Variants in TMEM132D observed in about 807,000 individuals in gnomAD.
TMEM132D encodes the protein mature OL transmembrane protein.
Under a neutral mutation model 62.3 loss-of-function variants are expected in TMEM132D, and 21 were observed. The observed-to-expected ratio is 0.34, with a 90% CI of 0.24 to 0.49. The LOEUF (loss-of-function observed/expected upper bound fraction) is 0.49, where lower values mean the gene tolerates loss of function less well. Ranked by LOEUF, TMEM132D falls within the 20% of genes least tolerant of loss-of-function variation. The pLI, the probability that TMEM132D is intolerant of heterozygous loss-of-function variation, is 0.99. For missense variants in TMEM132D, 1,346 were observed against 1,402.8 expected, an observed-to-expected ratio of 0.96 and a Z score of 0.65; for synonymous variants, 621 against 575.6, an observed-to-expected ratio of 1.08 and a Z score of -1.13.
At chr12:129,133,603 G>A (rs1048572448) in intron 5 of TMEM132D, among the ~76,000 whole-genome samples, 15 of 152,142 alleles carry the variant, frequency 9.9e-5, no homozygotes, top group Admixed American at 5.2e-4. Flanking sequence ...GATAGATATG[G>A]GCTAGGTCTG....
chr12:129,442,541 G>C (rs1334126123), intron 3 of TMEM132D, among the ~76,000 whole-genome samples: 1 of 152,174 alleles, frequency 6.6e-6, no homozygotes, highest in Non-Finnish European at 1.5e-5. Context: ...GAGTGGTAGA[G>C]TCTTCTGAAT....
intron 2 of TMEM132D, among the ~76,000 whole-genome samples, chr12:129,666,030 G>T (rs1880368829): frequency 6.6e-6 from 1 of 152,148 alleles, no homozygotes; most frequent in South Asian, 2.1e-4. Context: ...GATGGGCTTT[G>T]GGTTGCCTCG....
intron 1 of TMEM132D, among the ~76,000 whole-genome samples, chr12:129,706,206 T>G (rs901881828): frequency 2.0e-5 from 3 of 151,818 alleles, no homozygotes; most frequent in Non-Finnish European, 4.4e-5. Flanking sequence ...GGCTCAAAAG[T>G]TAAAAGAAAA....
At chr12:129,333,143 A>C (rs1453290862) in intron 4 of TMEM132D, among the ~76,000 whole-genome samples, 1 of 152,244 alleles carries the variant, frequency 6.6e-6, no homozygotes, top group Non-Finnish European at 1.5e-5. Context: ...TAAGAAGGGC[A>C]AATTAAAACA....
At chr12:129,666,059 G>A (rs186801604) in intron 2 of TMEM132D, among the ~76,000 whole-genome samples, 4 of 152,314 alleles carry the variant, frequency 2.6e-5, no homozygotes, top group Non-Finnish European at 4.4e-5. Context: ...TAAATGCACA[G>A]TCGGTAAAAG....
intron 2 of TMEM132D, among the ~76,000 whole-genome samples, chr12:129,583,867 C>T (rs1328285926): frequency 2.0e-5 from 3 of 152,070 alleles, no homozygotes; most frequent in Non-Finnish European, 4.4e-5. Flanking sequence ...CCTGATTCAA[C>T]GGACCAAAGG....
intron 1 of TMEM132D, among the ~76,000 whole-genome samples, chr12:129,770,053 C>T (rs754817280): frequency 3.3e-5 from 5 of 150,790 alleles, no homozygotes; most frequent in Non-Finnish European, 7.4e-5. Context: ...CTCCTGGGCT[C>T]AAGCAATCCT....
intron 4 of TMEM132D, among the ~76,000 whole-genome samples, chr12:129,322,746 C>T (rs1380727140): frequency 1.3e-5 from 2 of 152,060 alleles, no homozygotes; most frequent in Non-Finnish European, 2.9e-5. Context: ...AAAGATGAAT[C>T]TGTTGCATAC....
At chr12:129,451,878 G>A (rs1873298514) in intron 3 of TMEM132D, among the ~76,000 whole-genome samples, 1 of 152,302 alleles carries the variant, frequency 6.6e-6, no homozygotes, top group African/African-American at 2.4e-5. Flanking sequence ...TATACTAGCT[G>A]CAAAGGAACC....
intron 4 of TMEM132D, among the ~76,000 whole-genome samples, chr12:129,260,548 C>T (rs1488037860): frequency 6.6e-6 from 1 of 152,054 alleles, no homozygotes; most frequent in African/African-American, 2.4e-5. Context: ...TTTTAGGGTA[C>T]AGGTGGTTTT....
At chr12:129,097,366 AG>A (rs1875150147) in intron 5 of TMEM132D, among the ~76,000 whole-genome samples, 1 of 152,272 alleles carries the variant, frequency 6.6e-6, no homozygotes, top group Admixed American at 6.5e-5. Context: ...ACTCTCTGTT[AG>A]ACAGATGAGG....
At chr12:129,076,090 A>T (rs1343990872) in intron 8 of TMEM132D, among the ~76,000 whole-genome samples, 3 of 151,504 alleles carry the variant, frequency 2.0e-5, no homozygotes, top group African/African-American at 7.3e-5. Flanking sequence ...AGCCAGCATT[A>T]CTCTCTCTCT....
At chr12:129,387,461 T>C (rs1235408054) in intron 3 of TMEM132D, among the ~76,000 whole-genome samples, 1 of 151,710 alleles carries the variant, frequency 6.6e-6, no homozygotes, top group African/African-American at 2.4e-5. Flanking sequence ...ACAGTAATAC[T>C]ATGTGCCAAC....
intron 1 of TMEM132D, among the ~76,000 whole-genome samples, chr12:129,868,128 G>A (rs952350159): frequency 1.3e-5 from 2 of 151,816 alleles, no homozygotes; most frequent in Non-Finnish European, 2.9e-5. Flanking sequence ...GTACACACAT[G>A]TGACAGCATT....
intron 1 of TMEM132D, among the ~76,000 whole-genome samples, chr12:129,806,657 A>T (rs1871993125): frequency 1.3e-5 from 2 of 151,944 alleles, no homozygotes; most frequent in African/African-American, 2.4e-5. Flanking sequence ...ACTAACCTGC[A>T]CAATGTGCAC....
At chr12:129,244,669 C>T (rs1049408098) in intron 4 of TMEM132D, among the ~76,000 whole-genome samples, 2 of 152,068 alleles carry the variant, frequency 1.3e-5, no homozygotes, top group South Asian at 4.2e-4. Flanking sequence ...GAGACAGAGT[C>T]TTGCTCTATT....
At chr12:129,517,473 G>C (rs1249809554) in intron 3 of TMEM132D, among the ~76,000 whole-genome samples, 6 of 152,120 alleles carry the variant, frequency 3.9e-5, no homozygotes, top group Non-Finnish European at 8.8e-5. Context: ...ACAGATAAAG[G>C]GGGTGAGGAA....
intron 5 of TMEM132D, among the ~76,000 whole-genome samples, chr12:129,185,033 T>C (rs7298253): frequency 0.43 from 65,513 of 152,028 alleles, 14,556 homozygotes; most frequent in East Asian, 0.63. Context: ...AAGTCTAAAA[T>C]CAATTATCGT....
rs568970591 is a variant in TMEM132D at position 129,189,447 on chromosome 12, G to C, written c.1443+20073C>G. Among the ~76,000 whole-genome samples, 6 of 152,234 alleles carry C rather than the reference G, an allele frequency of 3.9e-5. No homozygotes were observed. In the East Asian group the frequency reaches 5.8e-4, roughly 15 times the overall value. On this transcript the variant is annotated intron_variant, in intron 5 of 8. Transcript: ENST00000422113. ...GGGCCAAGAGATTAGACAACTTTGT[G>C]GGGGGTGAAGACTGCACATGGTGAG...
Sources: allele counts gnomAD v4.1 joint callset (sites outside exome capture counted in the v4.1 genomes callset), GRCh38; gene constraint gnomAD v4.1.1; transcripts MANE v1.5; gene names NCBI Gene and HGNC (gene_info 2026-07-23, HGNC 2026-07-21).